Variants in PDE8B observed in about 807,000 individuals in gnomAD.
PDE8B encodes the protein phosphodiesterase 8B, also known as high affinity cAMP-specific and IBMX-insensitive 3',5'-cyclic phosphodiesterase 8B.
A neutral mutation model predicts 101.3 loss-of-function variants in PDE8B; 26 were observed. The ratio of observed to expected loss-of-function variants is 0.26; its 90% CI spans 0.19 to 0.36. The LOEUF is 0.36. Ranked by LOEUF, PDE8B falls within the 10% of genes least tolerant of loss-of-function variation. The probability of loss-of-function intolerance (pLI) is 1.00; values close to 1 mark genes in which losing one functional copy is unlikely to be tolerated. For missense variants in PDE8B, 810 were observed against 1,163.1 expected (o/e 0.70, Z 4.42); for synonymous variants, 424 against 429.3 (o/e 0.99, Z 0.15).
intron 9 of PDE8B, among the ~76,000 whole-genome samples, chr5:77,351,582 C>T (rs1581190480): frequency 6.6e-6 from 1 of 152,128 alleles, no homozygotes; most frequent in African/African-American, 2.4e-5. Context: ...TGGAGGCCCA[C>T]TGTTTATGGA....
chr5:77,377,612 C>T (rs1786395538), intron 10 of PDE8B, among the ~76,000 whole-genome samples: 1 of 152,198 alleles, frequency 6.6e-6, no homozygotes, highest in African/African-American at 2.4e-5. Context: ...GTCTATGCAT[C>T]AGATCCTTTA....
At chr5:77,311,428 C>T (rs1281560123) in intron 1 of PDE8B, among the ~76,000 whole-genome samples, 1 of 152,064 alleles carries the variant, frequency 6.6e-6, no homozygotes, top group Admixed American at 6.6e-5. Flanking sequence ...GGAACTACAA[C>T]TAAGATGAAT....
chr5:77,372,708 T>C (rs1785276279), intron 10 of PDE8B, among the ~76,000 whole-genome samples: 1 of 152,248 alleles, frequency 6.6e-6, no homozygotes, highest in Non-Finnish European at 1.5e-5. Flanking sequence ...TTGGCAAAAG[T>C]GGATCATAAT....
At chr5:77,324,855 G>A (rs6453301) in intron 2 of PDE8B, among the ~76,000 whole-genome samples, 120,866 of 152,176 alleles carry the variant, frequency 0.79, 48,288 homozygotes, top group East Asian at 0.97. Flanking sequence ...TAACTATCTC[G>A]TTAATAATTT....
At chr5:77,351,486 C>T (rs1781112707) in intron 9 of PDE8B, among the ~76,000 whole-genome samples, 1 of 152,198 alleles carries the variant, frequency 6.6e-6, no homozygotes, top group Admixed American at 6.5e-5. Context: ...GGCCTCTGCA[C>T]TCAGTGCATA....
At chr5:77,149,351 T>G in the PDE8B span, among the ~76,000 whole-genome samples, 3 of 152,220 alleles carry the variant, frequency 2.0e-5, no homozygotes, top group Non-Finnish European at 4.4e-5. Flanking sequence ...TGGCTGTACT[T>G]TGCATTTTGA....
At chr5:77,376,678 T>C (rs1786193487) in intron 10 of PDE8B, among the ~76,000 whole-genome samples, 1 of 152,194 alleles carries the variant, frequency 6.6e-6, no homozygotes, top group Admixed American at 6.5e-5. Context: ...TTTCAGAACC[T>C]TAGGACACAC....
chr5:77,331,302 G>T, intron 4 of PDE8B, 100 bp from the exon 5 acceptor site: 1 of 1,048,300 alleles, frequency 9.5e-7, no homozygotes, highest in South Asian at 1.3e-5. Context: ...GCCACTCTTG[G>T]AGCTAACGCT....
At chr5:77,381,622 T>C (rs1338310354) in intron 10 of PDE8B, among the ~76,000 whole-genome samples, 1 of 152,134 alleles carries the variant, frequency 6.6e-6, no homozygotes, top group African/African-American at 2.4e-5. Context: ...GTTTTTGTTT[T>C]TTTTTAAATA....
the PDE8B span, among the ~76,000 whole-genome samples, chr5:77,187,149 T>C: frequency 8.4e-4 from 128 of 152,344 alleles, no homozygotes; most frequent in African/African-American, 2.9e-3. Flanking sequence ...GTTTACTTGC[T>C]GGCTAAGATG....
At chr5:77,357,215 A>G (rs577552690) in intron 10 of PDE8B, among the ~76,000 whole-genome samples, 11 of 152,304 alleles carry the variant, frequency 7.2e-5, no homozygotes, top group Admixed American at 3.3e-4. Context: ...CAGCCCTCAG[A>G]AAACTAAGCA....
chr5:77,388,885 C>A (rs1199876381), intron 10 of PDE8B, among the ~76,000 whole-genome samples: 1 of 152,096 alleles, frequency 6.6e-6, no homozygotes, highest in Non-Finnish European at 1.5e-5. Flanking sequence ...GGTAAAACCA[C>A]CTACTCAAGT....
chr5:77,386,865 CTTTTTTTTTTTTTTTTTTTT>C (rs59393259), intron 10 of PDE8B, among the ~76,000 whole-genome samples: 1 of 51,060 alleles, frequency 2.0e-5, no homozygotes, highest in South Asian at 9.3e-4. Flanking sequence ...GATGTAGTTT[CTTTTTTTTTTTTTTTTTTTT>C]TTTTTTTTTG....
the PDE8B span, among the ~76,000 whole-genome samples, chr5:77,188,260 G>A: frequency 6.6e-6 from 1 of 152,282 alleles, no homozygotes; most frequent in East Asian, 1.9e-4. Flanking sequence ...AATGATATTA[G>A]GAAGGTTGAG....
chr5:77,353,242 C>T (rs984266268), intron 9 of PDE8B, 104 bp from the exon 10 acceptor site: 22 of 750,332 alleles, frequency 2.9e-5, no homozygotes, highest in Middle Eastern at 2.7e-4. Context: ...TGCCCTAGGA[C>T]GAACCCTGGA....
At chr5:77,139,856 G>A in the PDE8B span, 1 of 152,110 alleles carries the variant, frequency 6.6e-6, no homozygotes, top group Non-Finnish European at 1.5e-5. Flanking sequence ...CTTTGCCCTT[G>A]TAAATCATTT....
chr5:77,353,504 A>G (rs888515355), intron 10 of PDE8B, 98 bp downstream of exon 10: 5 of 806,662 alleles, frequency 6.2e-6, no homozygotes, highest in Non-Finnish European at 6.7e-6. Flanking sequence ...GTCTTTCTCC[A>G]TGTCTAATTG....
chr5:77,163,503 G>C, the PDE8B span, among the ~76,000 whole-genome samples: 1 of 152,140 alleles, frequency 6.6e-6, no homozygotes, highest in Non-Finnish European at 1.5e-5. Flanking sequence ...GGTGATAGTA[G>C]GACTTTAAAA....
At chr5:77,289,598 ACTTATGTGCGAC>A (rs919945781) in intron 1 of PDE8B, among the ~76,000 whole-genome samples, 1 of 152,202 alleles carries the variant, frequency 6.6e-6, no homozygotes, top group African/African-American at 2.4e-5. Context: ...GTGACCTCTC[ACTTATGTGCGAC>A]CTTGGACACA....
Sources: allele counts gnomAD v4.1 joint callset (sites outside exome capture counted in the v4.1 genomes callset), GRCh38; gene constraint gnomAD v4.1.1; transcripts MANE v1.5; gene names NCBI Gene and HGNC (gene_info 2026-07-23, HGNC 2026-07-21).